ZBTB22: variants seen among roughly 807,000 people sequenced by gnomAD.
The protein encoded by ZBTB22 is zinc finger and BTB domain containing 22.
For synonymous variants in ZBTB22, 356 were observed against 347.3 expected, an observed-to-expected ratio of 1.03 and a Z score of -0.28; for missense variants, 668 against 834.1, an observed-to-expected ratio of 0.80 and a Z score of 2.45.
In ZBTB22 at chr6:33,315,736, GC is replaced by G; in HGVS notation, c.1180del (p.Ala394GlnfsTer61). The G allele has an allele frequency of 6.2e-7, 1 of 1,612,956 alleles. No individual in the cohort carries two copies. The highest frequency in any genetic ancestry group is 8.5e-7 in the Non-Finnish European group (1 of 1,179,356). ...TGGCCCCCCTGAGTCATCAAGACCT[GC>G]CACAGGACCCCCACCCTCATATGGG... ...FGPYEGGGPV[A>X]GLDDSGGPTP... On this transcript the variant is annotated frameshift_variant, in exon 2 of 2. Transcript: ENST00000431845. LOFTEE classifies it low-confidence loss of function (END_TRUNC). This position sits in a 1 kb window ranked among gnomAD's most constrained non-coding sequence, Gnocchi z 5.4.
rs192756182 is a variant in ZBTB22 at position 33,316,951 on chromosome 6, G to A, written c.-35C>T. On this transcript the variant is annotated 5_prime_UTR_variant, in exon 2 of 2. Transcript: ENST00000431845. The surrounding 1 kb of genome is among the most constrained non-coding windows in gnomAD (Gnocchi z 7.2). ...GGAGGGGATACCCCCCCAGCCACAGGAACAAAGAAAGGAGGAGGGCGGCCG... is the reference window on the plus strand; with the variant it reads ...GGAGGGGATACCCCCCCAGCCACAGAAACAAAGAAAGGAGGAGGGCGGCCG... 1.3e-6 allele frequency: 2 copies of A among 1,525,668 alleles called. No individual in the cohort carries two copies. Among genetic ancestry groups the A allele is most frequent in the African/African-American group, 1.4e-5 (1 of 72,294 alleles). The allele number at this position is 1,525,668 out of a possible 1,614,324, so 94.5% of individuals were successfully genotyped here.
Position 33,315,386 on chromosome 6 carries a change from G to A in ZBTB22, c.1531C>T (p.Arg511Trp). The A allele has an allele frequency of 6.2e-7, 1 of 1,614,210 alleles. No homozygotes were observed. ...DRHVNMHLNL[R>W]PFDCPVCNKK... is the part of the protein sequence containing the mutation. ...TTGCACACGGGGCAGTCAAACGGCCGCAGATTGAGGTGCATGTTCACGTGC... is the reference window on the plus strand; with the variant it reads ...TTGCACACGGGGCAGTCAAACGGCCACAGATTGAGGTGCATGTTCACGTGC... Residue 511 changes from arginine (R) to tryptophan (W), a missense_variant, in exon 2 of 2, where the codon CGG becomes TGG. Transcript: ENST00000431845. The surrounding 1 kb of genome is among the most constrained non-coding windows in gnomAD (Gnocchi z 5.4).
Position 33,315,541 on chromosome 6 carries a change from G to C in ZBTB22, c.1376C>G (p.Thr459Arg). The part of the protein sequence containing the change: ...AEHGAVTVGG[T>R]SVGSLGVPGS... The stretch of plus-strand genomic sequence containing the variant: ...CGGCACACCCAGGCTCCCCACCGAC[G>C]TGCCCCCCACGGTCACTGCCCCGTG... The change falls in exon 2 of 2, where the codon ACG (threonine) becomes AGG (arginine). Residue 459 changes from threonine to arginine, a missense_variant. Coordinates refer to ENST00000431845, the MANE Select transcript of ZBTB22 (RefSeq NM_005453.5). The surrounding 1 kb of genome is among the most constrained non-coding windows in gnomAD (Gnocchi z 5.4). 1 of 1,613,914 alleles carries C rather than the reference G, an allele frequency of 6.2e-7. No individual in the cohort carries two copies. Among genetic ancestry groups the C allele is most frequent in the Non-Finnish European group, 8.5e-7 (1 of 1,179,978 alleles).
Position 33,315,504 on chromosome 6 carries a change from A to C in ZBTB22, c.1413T>G (p.Gly471=), listed in dbSNP as rs1769787678. Residue 471 remains glycine (G), a synonymous_variant, in exon 2 of 2, where the codon GGT becomes GGG. Transcript: ENST00000431845. The surrounding 1 kb of genome is among the most constrained non-coding windows in gnomAD (Gnocchi z 5.4). ...VGSLGVPGSV[G]GVPGGTGSGD... ...CACTGCCAGTCCCTCCAGGGACCCC[A>C]CCAACGCTACCCGGCACACCCAGGC... 2 of 1,613,640 alleles carry C rather than the reference A, an allele frequency of 1.2e-6. No individual in the cohort carries two copies. Among genetic ancestry groups the C allele is most frequent in the Non-Finnish European group, 1.7e-6 (2 of 1,179,880 alleles).
chr6:33,315,831 A>G lies in ZBTB22; in HGVS notation c.1086T>C (p.Arg362=), dbSNP rs1363715939. The G allele has an allele frequency of 1.9e-6, 3 of 1,613,054 alleles. No homozygotes were observed. The highest frequency in any genetic ancestry group is 2.5e-6 in the Non-Finnish European group (3 of 1,179,446). The change falls in exon 2 of 2, where the codon CGT becomes CGC. Residue 362 remains arginine, a synonymous_variant. Transcript: ENST00000431845. This position sits in a 1 kb window ranked among gnomAD's most constrained non-coding sequence, Gnocchi z 5.4. ...CCTTGTCTGGGGGCTCACTCAGGGT[A>G]CGGACATCACTTATGCTGAGGGTAG... ...PEATLSISDV[R]TLSEPPDKGE... is the part of the protein sequence containing the mutation.
Position 33,314,700 on chromosome 6 carries a change from A to C in ZBTB22, c.*312T>G. On this transcript the variant is annotated 3_prime_UTR_variant, in exon 2 of 2. Coordinates refer to ENST00000431845, the MANE Select transcript of ZBTB22 (RefSeq NM_005453.5). ...CAACCACCTGACCCCTGACCCTGTG[A>C]CTGCAGGATGTTCAACACGCCCCCT... 2 of 385,670 alleles carry C rather than the reference A, an allele frequency of 5.2e-6. No individual in the cohort carries two copies. Among genetic ancestry groups the C allele is most frequent in the Non-Finnish European group, 9.2e-6 (2 of 216,720 alleles). The allele number at this position is 385,670 out of a possible 1,614,324, so 23.9% of individuals were successfully genotyped here. A position where few individuals can be genotyped will look rare whatever the true frequency, so the allele number is the denominator to read the frequency against.
Position 33,316,372 on chromosome 6 carries a change from G to A in ZBTB22, c.545C>T (p.Ala182Val), listed in dbSNP as rs902410064. Reference protein sequence around the residue: ...GVPSGSGGTVAPATMGSARSH... With the variant: ...GVPSGSGGTVVPATMGSARSH... ...GCGCGCAGAGCCCATGGTAGCAGGGGCCACAGTGCCCCCACTCCCGGATGG... is the reference window on the plus strand; with the variant it reads ...GCGCGCAGAGCCCATGGTAGCAGGGACCACAGTGCCCCCACTCCCGGATGG... Residue 182 changes from alanine to valine, a missense_variant, in exon 2 of 2, where the codon GCC becomes GTC. Coordinates refer to ENST00000431845, the MANE Select transcript of ZBTB22 (RefSeq NM_005453.5). This position sits in a 1 kb window ranked among gnomAD's most constrained non-coding sequence, Gnocchi z 7.2. 2.5e-6 allele frequency: 4 copies of A among 1,614,034 alleles called. No homozygotes were observed. In the East Asian group the frequency reaches 6.7e-5, roughly 27 times the overall value.
chr6:33,315,489 C>T lies in ZBTB22; in HGVS notation c.1428G>A (p.Gly476=), dbSNP rs148157028. ...VPGSVGGVPG[G]TGSGDGNKIF... ...TCTTATTCCCGTCCCCACTGCCAGT[C>T]CCTCCAGGGACCCCACCAACGCTAC... Residue 476 remains glycine, a synonymous_variant, in exon 2 of 2, where the codon GGG becomes GGA. Coordinates refer to ENST00000431845, the MANE Select transcript of ZBTB22 (RefSeq NM_005453.5). This position sits in a 1 kb window ranked among gnomAD's most constrained non-coding sequence, Gnocchi z 5.4. The T allele has an allele frequency of 2.2e-5, 36 of 1,614,058 alleles. No individual in the cohort carries two copies. Among genetic ancestry groups the T allele is most frequent in the Non-Finnish European group, 3.1e-5 (36 of 1,180,008 alleles).
upstream of ZBTB22, chr6:33,317,764 C>G (rs1313304818): frequency 6.8e-6 from 1 of 147,154 alleles, no homozygotes; most frequent in Non-Finnish European, 1.5e-5. Context: ...CGCCTCCGCT[C>G]CGCCTCCCGC....
rs1165707173 is a variant in ZBTB22, at chr6:33,316,809, G to A, written c.108C>T (p.Phe36=). 2.9e-5 allele frequency: 46 copies of A among 1,614,024 alleles called. No individual in the cohort carries two copies. Among genetic ancestry groups the A allele is most frequent in the Admixed American group, 6.7e-5 (4 of 60,010 alleles). ...CCAAGAGGGCACTGGTCACCTCAGG[G>A]AAGGACACATGTACCACTGCAGCTG... ...LPAAAVVHVS[F]PEVTSALLES... is the part of the protein sequence containing the mutation. Residue 36 remains phenylalanine, a synonymous_variant, in exon 2 of 2, where the codon TTC becomes TTT. Transcript: ENST00000431845. The surrounding 1 kb of genome is among the most constrained non-coding windows in gnomAD (Gnocchi z 7.2).
Position 33,315,583 on chromosome 6 carries a change from G to A in ZBTB22, c.1334C>T (p.Pro445Leu), listed in dbSNP as rs748893447. The A allele has an allele frequency of 6.2e-7, 1 of 1,613,968 alleles. No individual in the cohort carries two copies. The highest frequency in any genetic ancestry group is 8.5e-7 in the Non-Finnish European group (1 of 1,179,994). Residue 445 changes from proline to leucine, a missense_variant, in exon 2 of 2, where the codon CCA (proline) becomes CTA (leucine). Transcript: ENST00000431845. This position sits in a 1 kb window ranked among gnomAD's most constrained non-coding sequence, Gnocchi z 5.4. The stretch of plus-strand genomic sequence containing the variant: ...TGCCCCGTGTTCTGCTTGGTTCCCT[G>A]GTGGTTGGCCAGGAGCCTGTGAGGA... The part of the protein sequence containing the change: ...SSSSQAPGQP[P>L]GNQAEHGAVT...
Position 33,315,055 on chromosome 6 carries a change from T to C in ZBTB22, c.1862A>G (p.His621Arg), listed in dbSNP as rs1475954328. ...SRRVWSPPRV[H>R]KVEMGFGGGG... Reference sequence around the variant, plus strand: ...TCCACCGAAGCCCATCTCCACCTTGTGGACTCTGGGTGGGGACCAGACACG... The same window carrying C: ...TCCACCGAAGCCCATCTCCACCTTGCGGACTCTGGGTGGGGACCAGACACG... The change falls in exon 2 of 2, where the codon CAC becomes CGC. Residue 621 changes from histidine (H) to arginine (R), a missense_variant. Transcript: ENST00000431845. The surrounding 1 kb of genome is among the most constrained non-coding windows in gnomAD (Gnocchi z 5.4). The C allele has an allele frequency of 6.3e-7, 1 of 1,584,100 alleles. No homozygotes were observed. The highest frequency in any genetic ancestry group is 1.4e-5 in the African/African-American group (1 of 73,956).
rs1348162292 is a variant in ZBTB22, at chr6:33,315,028, C to G, written c.1889G>C (p.Gly630Ala). ...CCTGCCCCTTCAGTTTGCTCCTCCACCTCCACCGAAGCCCATCTCCACCTT... is the reference window on the plus strand; with the variant it reads ...CCTGCCCCTTCAGTTTGCTCCTCCAGCTCCACCGAAGCCCATCTCCACCTT... ...VHKVEMGFGG[G>A]GGAN is the part of the protein sequence containing the mutation. Residue 630 changes from glycine to alanine, a missense_variant, in exon 2 of 2, where the codon GGT becomes GCT. Transcript: ENST00000431845. This position sits in a 1 kb window ranked among gnomAD's most constrained non-coding sequence, Gnocchi z 5.4. 1.3e-6 allele frequency: 2 copies of G among 1,554,842 alleles called. No individual in the cohort carries two copies. The highest frequency in any genetic ancestry group is 1.4e-5 in the African/African-American group (1 of 73,178).
In ZBTB22 at chr6:33,315,615, T is replaced by G; in HGVS notation, c.1302A>C (p.Ser434=). Residue 434 remains serine (S), a synonymous_variant, in exon 2 of 2, where the codon TCA becomes TCC. Coordinates refer to ENST00000431845, the MANE Select transcript of ZBTB22 (RefSeq NM_005453.5). The surrounding 1 kb of genome is among the most constrained non-coding windows in gnomAD (Gnocchi z 5.4). ...GGCCAGGAGCCTGTGAGGATGAGGA[T>G]GAAGACGACGACGGGAAGACCAGGA... The part of the protein sequence containing the change: ...NQILVFPSSS[S]SSSSQAPGQP... The G allele has an allele frequency of 1.9e-6, 3 of 1,613,712 alleles. No individual in the cohort carries two copies. The highest frequency in any genetic ancestry group is 2.2e-5 in the South Asian group (2 of 91,050).
Position 33,315,260 on chromosome 6 carries a change from G to A in ZBTB22, c.1657C>T (p.Arg553Ter), listed in dbSNP as rs1450329382. The change falls in exon 2 of 2, where the codon CGA becomes TGA. Residue 553 changes from arginine to a stop codon, truncating the protein, a stop_gained. Coordinates refer to ENST00000431845, the MANE Select transcript of ZBTB22 (RefSeq NM_005453.5). LOFTEE classifies it low-confidence loss of function (END_TRUNC). This position sits in a 1 kb window ranked among gnomAD's most constrained non-coding sequence, Gnocchi z 5.4. The stretch of plus-strand genomic sequence containing the variant: ...CCTCGGTGGCGCATGAAGCTGTCTC[G>A]CCACATGAACTTCTTGGCGCAGACT... The part of the protein sequence containing the change: ...CGVCAKKFMW[R>*]DSFMRHRGHC... The A allele has an allele frequency of 2.5e-6, 4 of 1,613,464 alleles. No individual in the cohort carries two copies. The highest frequency in any genetic ancestry group is 1.3e-5 in the African/African-American group (1 of 74,900).
rs753351807 is a variant in ZBTB22, at chr6:33,316,170, A to G, written c.747T>C (p.Ser249=). ...GCAGCTTTCCAGATGTGGCCCCTCCACTGCCAACGACAGGGGCTGGGAATA... is the reference window on the plus strand; with the variant it reads ...GCAGCTTTCCAGATGTGGCCCCTCCGCTGCCAACGACAGGGGCTGGGAATA... ...GPVFPAPVVG[S]GGATSGKLLL... is the part of the protein sequence containing the mutation. Residue 249 remains serine, a synonymous_variant, in exon 2 of 2, where the codon AGT becomes AGC. Coordinates refer to ENST00000431845, the MANE Select transcript of ZBTB22 (RefSeq NM_005453.5). This position sits in a 1 kb window ranked among gnomAD's most constrained non-coding sequence, Gnocchi z 7.2. The G allele has an allele frequency of 6.2e-7, 1 of 1,613,402 alleles. No homozygotes were observed. The highest frequency in any genetic ancestry group is 1.1e-5 in the South Asian group (1 of 91,030).
In ZBTB22 at chr6:33,316,210, C is replaced by G; in HGVS notation, c.707G>C (p.Arg236Pro). 1 of 1,614,068 alleles carries G rather than the reference C, an allele frequency of 6.2e-7. No homozygotes were observed. Among genetic ancestry groups the G allele is most frequent in the South Asian group, 1.1e-5 (1 of 91,086 alleles). The change falls in exon 2 of 2, where the codon CGA becomes CCA. Residue 236 changes from arginine to proline, a missense_variant. Arg to Pro is a moderately radical substitution (Grantham distance 103, BLOSUM62 -2). Coordinates refer to ENST00000431845, the MANE Select transcript of ZBTB22 (RefSeq NM_005453.5). The surrounding 1 kb of genome is among the most constrained non-coding windows in gnomAD (Gnocchi z 7.2). ...GGCTGGGAATACAGGGCCACCTCCT[C>G]GACGCTCCCCACTGCCCACTGCAGA... ...AASAVGSGER[R>P]GGGPVFPAPV...
chr6:33,316,982 G>T lies in ZBTB22; in HGVS notation c.-66C>A. The T allele has an allele frequency of 1.3e-6, 2 of 1,482,230 alleles. No homozygotes were observed. Among genetic ancestry groups the T allele is most frequent in the African/African-American group, 1.4e-5 (1 of 71,358 alleles). 91.8% of individuals were successfully genotyped at this position (1,482,230 alleles called of 1,614,324 possible). On this transcript the variant is annotated 5_prime_UTR_variant, in exon 2 of 2. Coordinates refer to ENST00000431845, the MANE Select transcript of ZBTB22 (RefSeq NM_005453.5). The surrounding 1 kb of genome is among the most constrained non-coding windows in gnomAD (Gnocchi z 7.2). The stretch of plus-strand genomic sequence containing the variant: ...AGAAAGGAGGAGGGCGGCCGGGGGG[G>T]TCTCTGGGAAGAAAAAGAGAAAAGA...
Position 33,314,808 on chromosome 6 carries a change from G to A in ZBTB22, c.*204C>T. On this transcript the variant is annotated 3_prime_UTR_variant, in exon 2 of 2. Transcript: ENST00000431845. ...GAGGGAAAGGAAGGGTTTAGTTCTG[G>A]AAATACCTTGGGGGGGAGGGGTTGA... is the stretch of plus-strand genomic sequence containing the variant. 9.5e-7 allele frequency: 1 copy of A among 1,057,110 alleles called. No homozygotes were observed. Among genetic ancestry groups the A allele is most frequent in the Non-Finnish European group, 1.3e-6 (1 of 772,896 alleles). The allele number at this position is 1,057,110 out of a possible 1,614,324, so 65.5% of individuals were successfully genotyped here.
Sources: allele counts gnomAD v4.1 joint callset, GRCh38; gene constraint gnomAD v4.1.1; non-coding constraint Gnocchi (gnomAD v3.1); transcripts MANE v1.5; gene names NCBI Gene and HGNC (gene_info 2026-07-23, HGNC 2026-07-21).